The following LEKR1 variants were observed in gnomAD, a reference collection of about 807,000 sequenced individuals.
LEKR1 encodes the protein leucine, glutamate and lysine rich 1.
In LEKR1, 59 loss-of-function variants were observed where a neutral mutation model predicts 72.4. The observed-to-expected ratio is 0.82, with a 90% confidence interval of 0.66 to 1.01. The LOEUF is 1.01. Among genes scored for constraint, LEKR1 ranks in the 50% least tolerant of loss-of-function variants. LEKR1 has a pLI of 0.00. For synonymous variants in LEKR1, 257 were observed against 263.2 expected, an observed-to-expected ratio of 0.98 and a Z score of 0.23; for missense variants, 728 against 759.2, an observed-to-expected ratio of 0.96 and a Z score of 0.48.
At chr3:156,992,330 A>G (rs1731201044) in intron 7 of LEKR1, among the ~76,000 whole-genome samples, 1 of 152,174 alleles carries the variant, frequency 6.6e-6, no homozygotes, top group Non-Finnish European at 1.5e-5. Context: ...CTGTCACCTC[A>G]TTCCAACTGT....
chr3:156,944,225 A>C (rs1726481775), intron 6 of LEKR1, among the ~76,000 whole-genome samples: 1 of 151,444 alleles, frequency 6.6e-6, no homozygotes, highest in African/African-American at 2.4e-5. Flanking sequence ...ATTTATTTTG[A>C]TTTTATTTAA....
At chr3:157,000,451 A>T (rs550964784) in intron 9 of LEKR1, among the ~76,000 whole-genome samples, 2 of 152,194 alleles carry the variant, frequency 1.3e-5, no homozygotes, top group African/African-American at 2.4e-5. Flanking sequence ...TTAGGTAAAC[A>T]TAGAGTAAAT....
chr3:156,919,104 T>A (rs1199148962), intron 3 of LEKR1, among the ~76,000 whole-genome samples: 2 of 152,184 alleles, frequency 1.3e-5, no homozygotes, highest in Non-Finnish European at 2.9e-5. Context: ...TTCAGCCCAT[T>A]GTCCTTGTTC....
intron 12 of LEKR1, among the ~76,000 whole-genome samples, chr3:157,042,732 C>T (rs1489423580): frequency 6.6e-6 from 1 of 152,182 alleles, no homozygotes; most frequent in East Asian, 1.9e-4. Context: ...ATCACTTTAT[C>T]ATTCCATATT....
intron 5 of LEKR1, among the ~76,000 whole-genome samples, chr3:156,933,893 C>T (rs1183593145): frequency 6.6e-6 from 1 of 152,174 alleles, no homozygotes; most frequent in Non-Finnish European, 1.5e-5. Context: ...TAGAAAGCTT[C>T]ACTCACTTTG....
At chr3:156,826,662 C>G (rs1326774672) in intron 1 of LEKR1, 2 of 155,622 alleles carry the variant, frequency 1.3e-5, no homozygotes, top group African/African-American at 4.8e-5. Flanking sequence ...CCTCTTCCGG[C>G]CACTGCAGGT....
chr3:156,889,500 C>T (rs904091070), intron 3 of LEKR1, among the ~76,000 whole-genome samples: 4 of 152,198 alleles, frequency 2.6e-5, no homozygotes, highest in East Asian at 1.9e-4. Context: ...AACTCTTTAC[C>T]ATGCTGAAAT....
chr3:156,834,284 CTAAA>C (rs1338882460), intron 2 of LEKR1, among the ~76,000 whole-genome samples: 2 of 152,114 alleles, frequency 1.3e-5, no homozygotes, highest in Non-Finnish European at 2.9e-5. Context: ...TATAGAAAAA[CTAAA>C]TAATCCCGTT....
chr3:156,934,970 C>T (rs1328665522), intron 5 of LEKR1, among the ~76,000 whole-genome samples: 2 of 152,106 alleles, frequency 1.3e-5, no homozygotes, highest in Admixed American at 6.6e-5. Flanking sequence ...AATAAGGCAT[C>T]ACTGAACATC....
At chr3:156,958,583 A>G (rs1469072722) in intron 6 of LEKR1, among the ~76,000 whole-genome samples, 7 of 151,952 alleles carry the variant, frequency 4.6e-5, no homozygotes, top group African/African-American at 1.7e-4. Context: ...CTGTCTATTA[A>G]CCTATTCACT....
Position 156,942,725 on chromosome 3 carries a change from G to A in LEKR1, c.745+11G>A, listed in dbSNP as rs1726330298. The A allele has an allele frequency of 1.6e-6, 2 of 1,218,240 alleles. No homozygotes were observed. The highest frequency in any genetic ancestry group is 1.4e-5 in the South Asian group (1 of 72,140). The allele number at this position is 1,218,240 out of a possible 1,614,324, so 75.5% of individuals were successfully genotyped here. A position where few individuals can be genotyped will look rare whatever the true frequency, so the allele number is the denominator to read the frequency against. ...AAAAAGAAGTACTAGGTAAAGAAAA[G>A]TCTTTTGCTGTTTTTGGTGACTAGT... On this transcript the variant is annotated intron_variant, in intron 6 of 12. Transcript: ENST00000356539.
intron 6 of LEKR1, among the ~76,000 whole-genome samples, chr3:156,971,127 G>T (rs1417296991): frequency 6.6e-6 from 1 of 152,142 alleles, no homozygotes; most frequent in Admixed American, 6.5e-5. Flanking sequence ...GCATGGTACT[G>T]GTACTGAAAT....
chr3:157,039,101 G>A (rs1735170620), intron 12 of LEKR1, among the ~76,000 whole-genome samples: 1 of 152,156 alleles, frequency 6.6e-6, no homozygotes, highest in Non-Finnish European at 1.5e-5. Flanking sequence ...AAGTACATGT[G>A]TATCTCTACA....
intron 6 of LEKR1, among the ~76,000 whole-genome samples, chr3:156,965,098 C>G (rs1364329036): frequency 6.6e-6 from 1 of 152,054 alleles, no homozygotes; most frequent in Non-Finnish European, 1.5e-5. Flanking sequence ...CAAAATACTG[C>G]TCTAAAACAT....
intron 6 of LEKR1, among the ~76,000 whole-genome samples, chr3:156,966,285 G>A (rs945426089): frequency 2.0e-5 from 3 of 152,038 alleles, no homozygotes; most frequent in Non-Finnish European, 4.4e-5. Context: ...TTGGGTGCAG[G>A]ACAGTGGGTG....
In LEKR1 at chr3:156,850,094, C is replaced by T. The variant is rs141027445; in HGVS notation, c.49-2674C>T. Among the ~76,000 whole-genome samples, 69 of 151,900 alleles carry T rather than the reference C, an allele frequency of 4.5e-4. 1 individual carries two copies. The East Asian group carries it at 0.01, about 22-fold the overall frequency. On this transcript the variant is annotated intron_variant, in intron 2 of 12. Coordinates refer to ENST00000356539, the MANE Select transcript of LEKR1 (RefSeq NM_001004316.3). ...ACAAACAATCCCATCAAAAAGTGGG[C>T]GAAGGATATGAACAGATGCTTCTCA...
intron 3 of LEKR1, among the ~76,000 whole-genome samples, chr3:156,899,781 T>G (rs963513054): frequency 1.9e-5 from 2 of 102,834 alleles, no homozygotes; most frequent in African/African-American, 5.6e-5. Flanking sequence ...TATACACATA[T>G]ATACACATAT....
intron 10 of LEKR1, among the ~76,000 whole-genome samples, chr3:157,019,343 T>C (rs945291455): frequency 1.3e-5 from 2 of 152,162 alleles, no homozygotes; most frequent in African/African-American, 2.4e-5. Context: ...TGGTATTAAA[T>C]ACAGATTTTA....
intron 3 of LEKR1, among the ~76,000 whole-genome samples, chr3:156,895,020 A>G (rs754552028): frequency 3.2e-4 from 48 of 152,238 alleles, no homozygotes; most frequent in Non-Finnish European, 5.9e-4. Flanking sequence ...ATTGCAACAA[A>G]ATAAAAATTT....
Sources: gnomAD v4.1 joint callset for allele counts (sites outside exome capture counted in the v4.1 genomes callset) on GRCh38, gnomAD v4.1.1 for gene constraint, MANE v1.5 for transcripts, NCBI Gene and HGNC (gene_info 2026-07-23, HGNC 2026-07-21) for gene names.